The following NAF1 variants were observed in gnomAD, a reference collection of about 807,000 sequenced individuals.
The protein encoded by NAF1 is nuclear assembly factor 1 ribonucleoprotein.
In NAF1, 11 loss-of-function variants were observed where a neutral mutation model predicts 40.6. That is an observed-to-expected ratio of 0.27 (90% CI 0.17 to 0.45). The LOEUF (loss-of-function observed/expected upper bound fraction) is 0.45. NAF1 is among the 20% of genes least tolerant of loss of function. The probability of loss-of-function intolerance (pLI) is 1.00; values close to 1 mark genes in which losing one functional copy is unlikely to be tolerated. For synonymous variants in NAF1, 260 were observed against 228.5 expected (o/e 1.14, Z -1.24); for missense variants, 607 against 611.1 (o/e 0.99, Z 0.07).
At chr4:163,130,195 C>T (rs997998555) in intron 7 of NAF1, among the ~76,000 whole-genome samples, 3 of 151,794 alleles carry the variant, frequency 2.0e-5, no homozygotes, top group Non-Finnish European at 2.9e-5. Flanking sequence ...ACCCAGGTTG[C>T]AATAAAAGAA....
At chr4:163,160,119 C>T (rs1232148817) in intron 2 of NAF1, among the ~76,000 whole-genome samples, 3 of 152,094 alleles carry the variant, frequency 2.0e-5, no homozygotes, top group South Asian at 4.1e-4. Flanking sequence ...TGTGGCTCAA[C>T]GTAGTTCCAA....
In NAF1 at chr4:163,166,448, C is replaced by T. The variant is rs754543501; in HGVS notation, c.280G>A (p.Asp94Asn). Residue 94 changes from aspartate (D) to asparagine (N), a missense_variant, in exon 1 of 8, where the codon GAC (aspartate) becomes AAC (asparagine). Transcript: ENST00000274054. ...QPPAESPACG[D>N]CVTSPGAAEP... is the part of the protein sequence containing the mutation. Reference sequence around the variant, plus strand: ...GCGGCTCCTGGGGAGGTGACGCAGTCTCCGCAGGCCGGCGATTCAGCCGGT... The same window carrying T: ...GCGGCTCCTGGGGAGGTGACGCAGTTTCCGCAGGCCGGCGATTCAGCCGGT... 2.4e-5 allele frequency: 39 copies of T among 1,605,332 alleles called. No individual in the cohort carries two copies. The highest frequency in any genetic ancestry group is 1.7e-4 in the Middle Eastern group (1 of 6,006).
intron 7 of NAF1, 145 bp from the exon 8 acceptor site, chr4:163,129,493 A>C: frequency 1.1e-6 from 1 of 903,300 alleles, no homozygotes; most frequent in Non-Finnish European, 1.6e-6. Flanking sequence ...GGTAAATTTG[A>C]AATGAACTGA....
At chr4:163,118,067 G>A (rs1292046435) in intron 2 of NAF1, among the ~76,000 whole-genome samples, 1 of 152,012 alleles carries the variant, frequency 6.6e-6, no homozygotes. Context: ...AACTGACCTG[G>A]AAATCTGTGC....
intron 7 of NAF1, among the ~76,000 whole-genome samples, chr4:163,130,088 T>C (rs892669799): frequency 3.3e-5 from 5 of 152,096 alleles, no homozygotes; most frequent in Non-Finnish European, 7.4e-5. Flanking sequence ...GCTGCCAGAG[T>C]AGCATTTTTA....
intron 6 of NAF1, among the ~76,000 whole-genome samples, chr4:163,134,703 G>C (rs1254028586): frequency 6.6e-6 from 1 of 152,110 alleles, no homozygotes; most frequent in African/African-American, 2.4e-5. Context: ...TGAAAATAAA[G>C]GGAATTTTCA....
intron 2 of NAF1, among the ~76,000 whole-genome samples, chr4:163,157,993 GA>G (rs1490796730): frequency 1.3e-5 from 2 of 152,068 alleles, no homozygotes; most frequent in Non-Finnish European, 2.9e-5. Flanking sequence ...GTAAATTGAT[GA>G]CTTTCTAAAG....
At chr4:163,116,398 C>CTG (rs965102647) in intron 2 of NAF1, among the ~76,000 whole-genome samples, 2 of 151,684 alleles carry the variant, frequency 1.3e-5, no homozygotes, top group Non-Finnish European at 1.5e-5. Context: ...GTGTGTATGT[C>CTG]TGTGTGTGTG....
At chr4:163,164,429 T>G (rs1732366410) in intron 1 of NAF1, 38 bp from the exon 2 acceptor site, 1 of 1,340,594 alleles carries the variant, frequency 7.5e-7, no homozygotes, top group Admixed American at 3.1e-5. Context: ...TAGTCCAGTA[T>G]TATTATACTA....
chr4:163,109,642 G>A (rs1026949154), downstream of NAF1, among the ~76,000 whole-genome samples: 1 of 152,158 alleles, frequency 6.6e-6, no homozygotes, highest in Non-Finnish European at 1.5e-5. Flanking sequence ...AGAAAAGTGA[G>A]GATGATCTAA....
Position 163,166,754 on chromosome 4 carries a change from C to G in NAF1, c.-27G>C, listed in dbSNP as rs751001282. The G allele has an allele frequency of 6.2e-6, 10 of 1,612,190 alleles. No homozygotes were observed. The highest frequency in any genetic ancestry group is 6.8e-6 in the Non-Finnish European group (8 of 1,179,556). ...GCACCGCGCCAGAAACCGGGTCGGC[C>G]TCAGGATTGGGGCCCCTGGACAAGC... On this transcript the variant is annotated 5_prime_UTR_variant, in exon 1 of 8. Transcript: ENST00000274054.
chr4:163,156,894 T>C (rs953900201), intron 2 of NAF1: 5 of 152,110 alleles, frequency 3.3e-5, no homozygotes, highest in Admixed American at 3.3e-4. Flanking sequence ...GAAATAACTA[T>C]TTTATCATAC....
rs1417953028 is a variant in NAF1, at chr4:163,128,891, A to G, written c.*6T>C. The G allele has an allele frequency of 8.8e-6, 13 of 1,481,554 alleles. No homozygotes were observed. In the Admixed American group the frequency reaches 2.1e-4, roughly 24 times the overall value. 91.8% of individuals were successfully genotyped at this position (1,481,554 alleles called of 1,614,324 possible). On this transcript the variant is annotated 3_prime_UTR_variant, in exon 8 of 8. Transcript: ENST00000274054. ...AGTCCACATTTCTCTGGAAATGCATAGTCACCTAATAGTAAGGTCCAAAAT... is the reference window on the plus strand; with the variant it reads ...AGTCCACATTTCTCTGGAAATGCATGGTCACCTAATAGTAAGGTCCAAAAT...
At chr4:163,128,664 C>T (rs1239582041), downstream of NAF1, 3 of 991,254 alleles carry the variant, frequency 3.0e-6, no homozygotes, top group Non-Finnish European at 3.7e-6. Flanking sequence ...GGCATGAATT[C>T]AAAATTTTAA....
intron 4 of NAF1, chr4:163,142,026 T>A: frequency 1.8e-6 from 1 of 543,892 alleles, no homozygotes; most frequent in Non-Finnish European, 2.3e-6. Flanking sequence ...GAAATAACAC[T>A]AATAGCATCA....
intron 2 of NAF1, among the ~76,000 whole-genome samples, chr4:163,158,507 T>G (rs1242532596): frequency 1.3e-5 from 2 of 152,062 alleles, no homozygotes; most frequent in African/African-American, 4.8e-5. Context: ...TACCCTATTG[T>G]GTATGACACT....
At chr4:163,151,157 T>A (rs1731686068) in intron 2 of NAF1, among the ~76,000 whole-genome samples, 1 of 151,992 alleles carries the variant, frequency 6.6e-6, no homozygotes, top group Admixed American at 6.5e-5. Flanking sequence ...ATCAAATATG[T>A]AGCAAATATC....
chr4:163,137,518 CTT>C (rs1731106907), intron 5 of NAF1, among the ~76,000 whole-genome samples: 1 of 152,044 alleles, frequency 6.6e-6, no homozygotes. Context: ...ATGGACAGCT[CTT>C]TTGATTTTTG....
downstream of NAF1, chr4:163,110,017 G>A: frequency 2.5e-6 from 1 of 397,634 alleles, no homozygotes; most frequent in East Asian, 3.7e-5. Flanking sequence ...CAAATGATAT[G>A]TGAGGTAGCA....
Sources: gnomAD v4.1 joint callset for allele counts (sites outside exome capture counted in the v4.1 genomes callset) on GRCh38, gnomAD v4.1.1 for gene constraint, MANE v1.5 for transcripts, NCBI Gene and HGNC (gene_info 2026-07-23, HGNC 2026-07-21) for gene names.